The following CRADD variants were observed in gnomAD, a reference collection of about 807,000 sequenced individuals.
The protein encoded by CRADD is death domain-containing protein CRADD.
A neutral mutation model predicts 15.5 loss-of-function variants in CRADD; 9 were observed. The observed-to-expected ratio is 0.58, with a 90% CI of 0.35 to 1.01. The LOEUF (loss-of-function observed/expected upper bound fraction) is 1.01, where lower values mean the gene tolerates loss of function less well. Ranked by LOEUF, CRADD falls within the 50% of genes least tolerant of loss-of-function variation. CRADD has a pLI of 0.02. For missense variants in CRADD, 227 were observed against 250.3 expected (o/e 0.91, Z 0.63); for synonymous variants, 118 against 107.6 (o/e 1.10, Z -0.60).
intron 2 of CRADD, among the ~76,000 whole-genome samples, chr12:93,830,224 T>C (rs1464358318): frequency 6.6e-6 from 1 of 152,158 alleles, no homozygotes; most frequent in South Asian, 2.1e-4. Flanking sequence ...AAGAAGAGGA[T>C]GGCTGATTTA....
chr12:93,872,381 T>G (rs1958428171), intron 2 of CRADD, among the ~76,000 whole-genome samples: 1 of 152,194 alleles, frequency 6.6e-6, no homozygotes, highest in African/African-American at 2.4e-5. Flanking sequence ...AGCTGTCTCA[T>G]TTGCTGTGCA....
intron 2 of CRADD, among the ~76,000 whole-genome samples, chr12:93,741,176 T>C (rs545784264): frequency 3.9e-5 from 6 of 152,234 alleles, no homozygotes; most frequent in South Asian, 4.1e-4. Flanking sequence ...GTTGTGTACT[T>C]ACCCTTATTA....
intron 2 of CRADD, among the ~76,000 whole-genome samples, chr12:93,734,920 T>A (rs1023140792): frequency 7.2e-5 from 11 of 152,194 alleles, no homozygotes; most frequent in Admixed American, 3.3e-4. Context: ...CTCATCCCCC[T>A]GCCAAGGTTA....
intron 2 of CRADD, chr12:93,836,337 G>C (rs1957972768): frequency 6.6e-6 from 1 of 152,122 alleles, no homozygotes; most frequent in Admixed American, 6.6e-5. Flanking sequence ...TTTTTGATGG[G>C]CTTCATTTTT....
Position 93,770,249 on chromosome 12 carries a change from T to C in CRADD, c.299-79721T>C, listed in dbSNP as rs9706128. Among the ~76,000 whole-genome samples the C allele has an allele frequency of 9.8e-4, 148 of 151,704 alleles. 1 individual carries two copies. The highest frequency in any genetic ancestry group is 3.4e-3 in the Middle Eastern group (1 of 292). On this transcript the variant is annotated intron_variant, in intron 2 of 2. Transcript: ENST00000332896. ...TAGCTGGGACTACAGGCGCCCGCCA[T>C]CACGCCCGGCTAATTTTTTTTGTAT...
At chr12:93,804,987 C>T (rs1016464511) in intron 2 of CRADD, among the ~76,000 whole-genome samples, 11 of 151,744 alleles carry the variant, frequency 7.2e-5, no homozygotes, top group East Asian at 1.9e-4. Flanking sequence ...ATGAGTAAGC[C>T]GAGTATAATA....
intron 2 of CRADD, among the ~76,000 whole-genome samples, chr12:93,692,407 A>G (rs557826458): frequency 1.2e-3 from 182 of 152,242 alleles, no homozygotes; most frequent in Admixed American, 2.9e-3. Flanking sequence ...TCCAAACAAG[A>G]CTACACTAAG....
In CRADD at chr12:93,752,890, G is replaced by A. The variant is rs113521064; in HGVS notation, c.298+73818G>A. ...GGGAGGCCTCACAATCACAGTCGAAGGTGAAAGGCACATCTCACATGGTGG... is the reference window on the plus strand; with the variant it reads ...GGGAGGCCTCACAATCACAGTCGAAAGTGAAAGGCACATCTCACATGGTGG... On this transcript the variant is annotated intron_variant, in intron 2 of 2. Transcript: ENST00000332896. Among the ~76,000 whole-genome samples, 1,012 of 152,296 alleles carry A rather than the reference G, an allele frequency of 6.6e-3. 20 individuals are homozygous for A. The highest frequency in any genetic ancestry group is 0.023 in the African/African-American group (972 of 41,564).
At chr12:93,770,221 G>T (rs976655446) in intron 2 of CRADD, among the ~76,000 whole-genome samples, 13 of 148,580 alleles carry the variant, frequency 8.7e-5, no homozygotes, top group Admixed American at 2.0e-4. Context: ...TCAGCCTCCC[G>T]AGTAGCTGGG....
chr12:93,683,573 C>T (rs529704332), intron 2 of CRADD, among the ~76,000 whole-genome samples: 1 of 152,150 alleles, frequency 6.6e-6, no homozygotes, highest in Non-Finnish European at 1.5e-5. Flanking sequence ...CCCTGGACTC[C>T]CTGGCTGCTC....
intron 2 of CRADD, among the ~76,000 whole-genome samples, chr12:93,705,569 G>A (rs1439633467): frequency 1.3e-5 from 2 of 152,174 alleles, no homozygotes; most frequent in African/African-American, 4.8e-5. Context: ...TGACTTTCTT[G>A]GTGATACAGA....
At chr12:93,702,923 C>T (rs968590370) in intron 2 of CRADD, among the ~76,000 whole-genome samples, 2 of 152,144 alleles carry the variant, frequency 1.3e-5, no homozygotes, top group African/African-American at 2.4e-5. Flanking sequence ...TGGTAAATTC[C>T]CTTCCGATTC....
intron 2 of CRADD, among the ~76,000 whole-genome samples, chr12:93,858,155 C>T (rs1190442891): frequency 3.9e-5 from 6 of 152,158 alleles, no homozygotes; most frequent in Admixed American, 2.0e-4. Context: ...CACTTTAAGG[C>T]TATAAATAAA....
intron 2 of CRADD, among the ~76,000 whole-genome samples, chr12:93,823,841 T>A (rs2137021809): frequency 6.6e-6 from 1 of 152,230 alleles, no homozygotes; most frequent in East Asian, 1.9e-4. Context: ...AATGGAGAAG[T>A]CTAAAGAGAC....
At chr12:93,763,355 A>G (rs970070810) in intron 2 of CRADD, among the ~76,000 whole-genome samples, 2 of 144,906 alleles carry the variant, frequency 1.4e-5, no homozygotes, top group Admixed American at 7.1e-5. Context: ...GTGAGTGGAA[A>G]CTAACTTCCT....
At chr12:93,807,794 A>G (rs1957557047) in intron 2 of CRADD, among the ~76,000 whole-genome samples, 1 of 151,906 alleles carries the variant, frequency 6.6e-6, no homozygotes, top group African/African-American at 2.4e-5. Context: ...ACCAATGAGT[A>G]CATCCATCAG....
chr12:93,771,863 A>G (rs1288652240), intron 2 of CRADD, among the ~76,000 whole-genome samples: 3 of 152,246 alleles, frequency 2.0e-5, no homozygotes, highest in Admixed American at 6.5e-5. Context: ...CTTCATCTGT[A>G]TAGTGGGTGC....
intron 2 of CRADD, among the ~76,000 whole-genome samples, chr12:93,805,672 T>C (rs994512074): frequency 1.3e-5 from 2 of 152,072 alleles, no homozygotes; most frequent in African/African-American, 2.4e-5. Context: ...TGAAGAAATA[T>C]GTATTAGCAA....
intron 2 of CRADD, among the ~76,000 whole-genome samples, chr12:93,709,338 G>A (rs1592910539): frequency 6.6e-6 from 1 of 152,252 alleles, no homozygotes; most frequent in African/African-American, 2.4e-5. Context: ...GAGGTTTGTT[G>A]TACAGATTAT....
Sources: allele counts gnomAD v4.1 joint callset (sites outside exome capture counted in the v4.1 genomes callset), GRCh38; gene constraint gnomAD v4.1.1; transcripts MANE v1.5; gene names NCBI Gene and HGNC (gene_info 2026-07-23, HGNC 2026-07-21).